KCNIP4: variants seen among roughly 807,000 people sequenced by gnomAD.
KCNIP4 encodes the protein potassium voltage-gated channel interacting protein 4.
Under a neutral mutation model 34.0 loss-of-function variants are expected in KCNIP4, and 12 were observed. The ratio of observed to expected loss-of-function variants is 0.35; its 90% CI spans 0.23 to 0.57. KCNIP4 has a LOEUF of 0.57. KCNIP4 is among the 20% of genes least tolerant of loss of function. The probability of loss-of-function intolerance (pLI) is 0.83; values close to 1 mark genes in which losing one functional copy is unlikely to be tolerated. For synonymous variants in KCNIP4, 124 were observed against 102.2 expected (o/e 1.21, Z -1.29); for missense variants, 238 against 311.7 (o/e 0.76, Z 1.78).
At chr4:21,357,212 C>G (rs1474896133) in intron 1 of KCNIP4, among the ~76,000 whole-genome samples, 1 of 152,020 alleles carries the variant, frequency 6.6e-6, no homozygotes, top group Non-Finnish European at 1.5e-5. Flanking sequence ...CCATAAAAAC[C>G]CTAGAAGAAA....
At position 21,448,798 on chromosome 4, in the gene KCNIP4, C is replaced by A. The variant is rs144565165; in HGVS notation, c.61+499773G>T. Among the ~76,000 whole-genome samples, 31 of 152,220 alleles carry A rather than the reference C, an allele frequency of 2.0e-4. No homozygotes were observed. The East Asian group carries it at 5.4e-3, about 27-fold the overall frequency. On this transcript the variant is annotated intron_variant, in intron 1 of 8. Coordinates refer to ENST00000382152, the MANE Select transcript of KCNIP4 (RefSeq NM_025221.6). The stretch of plus-strand genomic sequence containing the variant: ...TCAGCATAAGTCAGACATAGAGAGG[C>A]AGTTATCCAGGAAAGATCTGGGGAG...
chr4:21,570,329 G>A (rs527944736), intron 1 of KCNIP4, among the ~76,000 whole-genome samples: 11 of 152,230 alleles, frequency 7.2e-5, no homozygotes, highest in South Asian at 4.1e-4. Flanking sequence ...GGTATTTCCC[G>A]TTTCCTGAAG....
intron 1 of KCNIP4, among the ~76,000 whole-genome samples, chr4:21,236,860 A>T (rs1217005278): frequency 6.8e-6 from 1 of 147,818 alleles, no homozygotes; most frequent in Non-Finnish European, 1.5e-5. Context: ...AAAAAAAAAA[A>T]TACCAAAAAA....
At chr4:21,177,546 G>T (rs749781966) in intron 1 of KCNIP4, among the ~76,000 whole-genome samples, 89 of 152,020 alleles carry the variant, frequency 5.9e-4, no homozygotes, top group Non-Finnish European at 1.0e-3. Flanking sequence ...ATTACATTTG[G>T]CAAGGCACAG....
chr4:20,983,872 C>T (rs1560621760), intron 1 of KCNIP4: 1 of 1,536,310 alleles, frequency 6.5e-7, no homozygotes, highest in Non-Finnish European at 8.7e-7. Context: ...CACATATAAT[C>T]ACAACAATAC....
chr4:21,482,139 C>CT (rs33961292), intron 1 of KCNIP4, among the ~76,000 whole-genome samples: 4 of 150,942 alleles, frequency 2.7e-5, no homozygotes, highest in East Asian at 2.0e-4. Flanking sequence ...CAACCCCTGC[C>CT]TTTTTTTTGT....
At chr4:21,554,363 G>A (rs1738815568) in intron 1 of KCNIP4, among the ~76,000 whole-genome samples, 1 of 152,076 alleles carries the variant, frequency 6.6e-6, no homozygotes, top group African/African-American at 2.4e-5. Context: ...TTTTATTCTA[G>A]GTTTGATGGG....
chr4:21,213,522 G>A (rs1263320823), intron 1 of KCNIP4, among the ~76,000 whole-genome samples: 6 of 151,910 alleles, frequency 3.9e-5, no homozygotes, highest in African/African-American at 1.4e-4. Context: ...GGCTGGTCTC[G>A]AACTCTTGAC....
At chr4:21,179,992 C>A (rs565443762) in intron 1 of KCNIP4, among the ~76,000 whole-genome samples, 1 of 152,290 alleles carries the variant, frequency 6.6e-6, no homozygotes, top group African/African-American at 2.4e-5. Flanking sequence ...GAGCAAGTCA[C>A]TGAGGATACA....
At chr4:20,819,148 C>T (rs370624093) in intron 3 of KCNIP4, among the ~76,000 whole-genome samples, 23 of 152,062 alleles carry the variant, frequency 1.5e-4, no homozygotes, top group East Asian at 5.8e-4. Context: ...GCGTGAGCCA[C>T]AGCGCCTGGC....
At chr4:21,058,651 A>C (rs986897851) in intron 1 of KCNIP4, among the ~76,000 whole-genome samples, 2 of 152,142 alleles carry the variant, frequency 1.3e-5, no homozygotes, top group Admixed American at 6.6e-5. Context: ...GCCTAGCCAT[A>C]AGGTTTCTAT....
At chr4:20,733,228 G>T (rs896748645) in intron 6 of KCNIP4, among the ~76,000 whole-genome samples, 4 of 152,136 alleles carry the variant, frequency 2.6e-5, no homozygotes, top group African/African-American at 9.7e-5. Context: ...TAATTGGTAA[G>T]TCTTAAGGTT....
At chr4:21,800,247 T>C (rs575400857) in intron 1 of KCNIP4, among the ~76,000 whole-genome samples, 2 of 152,350 alleles carry the variant, frequency 1.3e-5, no homozygotes, top group South Asian at 2.1e-4. Context: ...ATTTTGATTA[T>C]GCTATAGGGC....
intron 1 of KCNIP4, among the ~76,000 whole-genome samples, chr4:21,651,733 A>T (rs1423917001): frequency 2.6e-5 from 4 of 152,196 alleles, no homozygotes; most frequent in Non-Finnish European, 5.9e-5. Context: ...TAGAATCCTC[A>T]ATATAGGTTG....
At chr4:21,501,246 T>TCACACACACACACACA (rs1309846168) in intron 1 of KCNIP4, among the ~76,000 whole-genome samples, 1 of 93,436 alleles carries the variant, frequency 1.1e-5, no homozygotes, top group African/African-American at 3.2e-5. Flanking sequence ...TCTCTCTCTC[T>TCACACACACACACACA]CTCACACACA....
At chr4:21,582,205 TCTTA>T (rs1384510482) in intron 1 of KCNIP4, 6 of 152,000 alleles carry the variant, frequency 3.9e-5, no homozygotes, top group Non-Finnish European at 8.8e-5. Flanking sequence ...AAATATATGT[TCTTA>T]CTTACTAGGT....
At chr4:20,772,230 C>T (rs1352802257) in intron 3 of KCNIP4, among the ~76,000 whole-genome samples, 1 of 152,134 alleles carries the variant, frequency 6.6e-6, no homozygotes, top group African/African-American at 2.4e-5. Flanking sequence ...GAAAAGTTAA[C>T]TAAGGGGTAA....
At chr4:20,893,588 A>AT (rs35952261) in intron 1 of KCNIP4, among the ~76,000 whole-genome samples, 2,470 of 136,830 alleles carry the variant, frequency 0.018, 63 homozygotes, top group African/African-American at 0.054. Context: ...ATGCCCCAGT[A>AT]TTTTTTTTTT....
intron 1 of KCNIP4, among the ~76,000 whole-genome samples, chr4:21,572,545 C>T (rs1460423147): frequency 6.6e-6 from 1 of 152,014 alleles, no homozygotes; most frequent in Non-Finnish European, 1.5e-5. Context: ...CTTAATTTCT[C>T]ATCATCTTCC....
Sources: gnomAD v4.1 joint callset for allele counts (sites outside exome capture counted in the v4.1 genomes callset) on GRCh38, gnomAD v4.1.1 for gene constraint, MANE v1.5 for transcripts, NCBI Gene and HGNC (gene_info 2026-07-23, HGNC 2026-07-21) for gene names.